Variants in TRAF2 observed in about 807,000 individuals in gnomAD.
TRAF2 encodes the protein TNF receptor-associated factor 2.
TRAF2 carries 6 observed loss-of-function variants against 55.6 expected under a neutral mutation model. That is an observed-to-expected ratio of 0.11 (90% CI 0.06 to 0.21). The LOEUF (loss-of-function observed/expected upper bound fraction) is 0.21, where lower values mean the gene tolerates loss of function less well. TRAF2 is among the 10% of genes least tolerant of loss of function. The pLI is 1.00. For synonymous variants in TRAF2, 329 were observed against 276.3 expected, an observed-to-expected ratio of 1.19 and a Z score of -1.89; for missense variants, 561 against 684.5, an observed-to-expected ratio of 0.82 and a Z score of 2.01.
chr9:136,908,105 C>A lies in TRAF2; in HGVS notation c.402C>A (p.Thr134=), dbSNP rs771832578. The change falls in exon 5 of 11, where the codon ACC becomes ACA. Residue 134 remains threonine (T), a synonymous_variant. Coordinates refer to ENST00000247668, the MANE Select transcript of TRAF2 (RefSeq NM_021138.4). The part of the protein sequence containing the change: ...CHEGRCPLML[T]ECPACKGLVR... ...AAGGCCGCTGCCCGCTCATGCTGAC[C>A]GAATGTCCCGCGTGCAAAGGCCTGG... is the stretch of plus-strand genomic sequence containing the variant. 20 of 1,605,904 alleles carry A rather than the reference C, an allele frequency of 1.2e-5. No homozygotes were observed. The highest frequency in any genetic ancestry group is 2.2e-5 in the East Asian group (1 of 44,892).
chr9:136,892,259 C>G (rs1331270483), intron 1 of TRAF2, among the ~76,000 whole-genome samples: 1 of 151,576 alleles, frequency 6.6e-6, no homozygotes, highest in Admixed American at 6.6e-5. Flanking sequence ...GTCAGGAGAT[C>G]GAGACCATCC....
intron 1 of TRAF2, among the ~76,000 whole-genome samples, chr9:136,897,460 G>A (rs914119896): frequency 4.6e-5 from 7 of 151,978 alleles, no homozygotes; most frequent in Non-Finnish European, 5.9e-5. Context: ...AGGGAAACCC[G>A]TGGTAGCTAA....
intron 1 of TRAF2, chr9:136,890,360 C>G (rs933962124): frequency 7.2e-5 from 11 of 152,246 alleles, no homozygotes; most frequent in African/African-American, 2.4e-4. Context: ...TTGAATCGCT[C>G]CTAGCTGACC....
At chr9:136,907,306 G>A (rs1451543412) in intron 4 of TRAF2, among the ~76,000 whole-genome samples, 1 of 152,260 alleles carries the variant, frequency 6.6e-6, no homozygotes, top group Non-Finnish European at 1.5e-5. Context: ...CTTCCCTGGT[G>A]TTCTGGCACT....
intron 6 of TRAF2, 186 bp downstream of exon 6, chr9:136,910,180 GC>G: frequency 1.5e-6 from 1 of 648,098 alleles, no homozygotes; most frequent in Non-Finnish European, 2.7e-6. Context: ...TGGGCCGGGG[GC>G]CAGGTGGCTG....
intron 1 of TRAF2, chr9:136,898,425 G>A (rs748897465): frequency 2.1e-4 from 44 of 206,612 alleles, no homozygotes; most frequent in Admixed American, 9.8e-4. Flanking sequence ...TGCGTGGCAG[G>A]AAGCCCGTGC....
intron 5 of TRAF2, among the ~76,000 whole-genome samples, chr9:136,909,698 A>G (rs1850054460): frequency 6.6e-6 from 1 of 152,156 alleles, no homozygotes; most frequent in Admixed American, 6.5e-5. Context: ...TCTCCCTCGC[A>G]TTGCCCTGAG....
intron 10 of TRAF2, 117 bp from the exon 11 acceptor site, chr9:136,925,566 C>G: frequency 1.8e-6 from 2 of 1,084,268 alleles, no homozygotes; most frequent in Non-Finnish European, 2.7e-6. Context: ...GCCTCAGCCT[C>G]TGGCCTGGGT....
upstream of TRAF2, among the ~76,000 whole-genome samples, chr9:136,882,381 T>G (rs968053632): frequency 6.6e-6 from 1 of 152,224 alleles, no homozygotes; most frequent in Non-Finnish European, 1.5e-5. Flanking sequence ...GGGTCCTCCC[T>G]GGCCAGGCCA....
intron 6 of TRAF2, among the ~76,000 whole-genome samples, chr9:136,913,464 AT>A (rs1220358866): frequency 2.7e-5 from 4 of 150,722 alleles, no homozygotes; most frequent in African/African-American, 9.7e-5. Context: ...TGCCCGGCTA[AT>A]TTTTTGTATT....
At chr9:136,909,332 C>T (rs917605629) in intron 5 of TRAF2, among the ~76,000 whole-genome samples, 13 of 147,182 alleles carry the variant, frequency 8.8e-5, no homozygotes, top group African/African-American at 1.8e-4. Context: ...ATCTGAATCA[C>T]GATCCATACA....
At chr9:136,919,323 A>C (rs1408633186) in intron 7 of TRAF2, among the ~76,000 whole-genome samples, 1 of 128,690 alleles carries the variant, frequency 7.8e-6, no homozygotes, top group Non-Finnish European at 1.6e-5. Flanking sequence ...TTTGAGACAG[A>C]GTTTCGCTCT....
chr9:136,920,875 C>T (rs1156602740), intron 8 of TRAF2, among the ~76,000 whole-genome samples, 163 bp from the exon 9 acceptor site: 3 of 152,092 alleles, frequency 2.0e-5, no homozygotes, highest in South Asian at 2.1e-4. Flanking sequence ...CACCTCTTGG[C>T]GAGGGTGGGG....
At chr9:136,889,685 C>G (rs1388868545) in intron 1 of TRAF2, 1 of 152,208 alleles carries the variant, frequency 6.6e-6, no homozygotes, top group African/African-American at 2.4e-5. Flanking sequence ...TCTCGAACTC[C>G]TGGCCTGAAG....
intron 1 of TRAF2, 143 bp downstream of exon 1, chr9:136,886,684 G>C (rs1401024076): frequency 4.5e-6 from 2 of 443,810 alleles, no homozygotes; most frequent in Admixed American, 6.4e-5. Flanking sequence ...AGAGGCCGCG[G>C]GGCGGGGGCG....
intron 1 of TRAF2, among the ~76,000 whole-genome samples, chr9:136,890,155 G>A (rs1489883573): frequency 6.7e-6 from 1 of 148,724 alleles, no homozygotes; most frequent in African/African-American, 2.5e-5. Context: ...GTCACCGTGT[G>A]TGTGAGAGTC....
chr9:136,896,391 G>A (rs1849680465), intron 1 of TRAF2, among the ~76,000 whole-genome samples: 1 of 152,228 alleles, frequency 6.6e-6, no homozygotes, highest in African/African-American at 2.4e-5. Context: ...GGTTCCGGGT[G>A]TGAGGCTGTG....
chr9:136,908,538 T>C (rs913569085), intron 5 of TRAF2, among the ~76,000 whole-genome samples: 3 of 151,608 alleles, frequency 2.0e-5, no homozygotes, highest in Non-Finnish European at 4.4e-5. Flanking sequence ...CTGGCCAACA[T>C]GGTGAAACCC....
At chr9:136,907,431 C>A (rs144684020) in intron 4 of TRAF2, among the ~76,000 whole-genome samples, 1 of 152,224 alleles carries the variant, frequency 6.6e-6, no homozygotes, top group South Asian at 2.1e-4. Flanking sequence ...GTGTCACTGG[C>A]CCTCGCCTGT....
Sources: allele counts gnomAD v4.1 joint callset (sites outside exome capture counted in the v4.1 genomes callset), GRCh38; gene constraint gnomAD v4.1.1; transcripts MANE v1.5; gene names NCBI Gene and HGNC (gene_info 2026-07-23, HGNC 2026-07-21).